ZNF563: variants seen among roughly 807,000 people sequenced by gnomAD.
ZNF563 encodes zinc finger protein 563.
ZNF563 carries 39 observed loss-of-function variants against 48.5 expected under a neutral mutation model. The ratio of observed to expected loss-of-function variants is 0.80; its 90% CI spans 0.62 to 1.05. The LOEUF (loss-of-function observed/expected upper bound fraction) is 1.05. ZNF563 is among the 50% of genes least tolerant of loss of function. The probability of loss-of-function intolerance (pLI) is 0.00; values close to 1 mark genes in which losing one functional copy is unlikely to be tolerated. For synonymous variants in ZNF563, 168 were observed against 187.9 expected (o/e 0.89, Z 0.87); for missense variants, 538 against 597.0 (o/e 0.90, Z 1.03).
chr19:12,342,176 C>G, the ZNF563 span, among the ~76,000 whole-genome samples: 2 of 151,868 alleles, frequency 1.3e-5, no homozygotes, highest in African/African-American at 2.4e-5. Context: ...TGCCATCACA[C>G]CTGGCTAATT....
At chr19:12,345,763 T>C in the ZNF563 span, among the ~76,000 whole-genome samples, 1 of 151,774 alleles carries the variant, frequency 6.6e-6, no homozygotes, top group Non-Finnish European at 1.5e-5. Context: ...AATACAAAAT[T>C]TAGACAGGCG....
chr19:12,318,575 G>C lies in ZNF563; in HGVS notation c.*19C>G. 6.3e-7 allele frequency: 1 copy of C among 1,598,588 alleles called. No homozygotes were observed. Among genetic ancestry groups the C allele is most frequent in the Non-Finnish European group, 8.5e-7 (1 of 1,172,096 alleles). On this transcript the variant is annotated 3_prime_UTR_variant, in exon 4 of 4. Coordinates refer to ENST00000293725, the MANE Select transcript of ZNF563 (RefSeq NM_145276.3). ...TCAAAGGGAACTGGAAATATAGAAG[G>C]CTTTATAATAGTTTACATTCATATT...
At chr19:12,340,056 C>T in the ZNF563 span, among the ~76,000 whole-genome samples, 2 of 152,130 alleles carry the variant, frequency 1.3e-5, no homozygotes, top group African/African-American at 2.4e-5. Context: ...TAAATGTGGC[C>T]AGGTGCGGTG....
chr19:12,325,984 T>C (rs1272240454), intron 1 of ZNF563, among the ~76,000 whole-genome samples: 1 of 152,034 alleles, frequency 6.6e-6, no homozygotes, highest in Admixed American at 6.6e-5. Flanking sequence ...CAGCAAACAA[T>C]GAAGGGGACA....
At chr19:12,326,520 T>C (rs1351128970) in intron 1 of ZNF563, among the ~76,000 whole-genome samples, 1 of 152,030 alleles carries the variant, frequency 6.6e-6, no homozygotes, top group Non-Finnish European at 1.5e-5. Flanking sequence ...GGTGCATGCC[T>C]GTAATCCCAG....
rs978140373 is a variant in ZNF563 at position 12,327,143 on chromosome 19, T to G, written c.4-4432A>C. On this transcript the variant is annotated intron_variant, in intron 1 of 3. Coordinates refer to ENST00000293725, the MANE Select transcript of ZNF563 (RefSeq NM_145276.3). ...ATAGGATAAGAAAATCATATTCTGC[T>G]CAACTAAAATCAAAGACGGAAATAG... is the stretch of plus-strand genomic sequence containing the variant. Among the ~76,000 whole-genome samples the G allele has an allele frequency of 5.9e-5, 9 of 152,092 alleles. No individual in the cohort carries two copies. The Middle Eastern group carries it at 0.01, about 172-fold the overall frequency.
intron 1 of ZNF563, among the ~76,000 whole-genome samples, chr19:12,330,281 C>CA (rs1968890780): frequency 6.6e-6 from 1 of 152,094 alleles, no homozygotes; most frequent in Non-Finnish European, 1.5e-5. Flanking sequence ...CAAAAATAGA[C>CA]AGACATTACA....
upstream of ZNF563, among the ~76,000 whole-genome samples, chr19:12,337,291 C>A (rs1351904211): frequency 5.3e-5 from 8 of 152,262 alleles, no homozygotes; most frequent in African/African-American, 1.9e-4. Context: ...CAGCCTCAAC[C>A]TCCTGGGCTC....
intron 3 of ZNF563, 82 bp downstream of exon 3, chr19:12,321,190 T>C: frequency 2.0e-6 from 2 of 995,342 alleles, no homozygotes; most frequent in East Asian, 2.7e-5. Flanking sequence ...GCTGGACTTG[T>C]TCATTTTCTT....
chr19:12,343,730 T>C, the ZNF563 span, among the ~76,000 whole-genome samples: 4 of 142,266 alleles, frequency 2.8e-5, no homozygotes, highest in Non-Finnish European at 4.6e-5. Context: ...AAATTCTTTT[T>C]TTTTTTTTTT....
At chr19:12,329,165 TCA>T (rs1410837180) in intron 1 of ZNF563, among the ~76,000 whole-genome samples, 8 of 151,972 alleles carry the variant, frequency 5.3e-5, no homozygotes, top group Non-Finnish European at 2.9e-5. Flanking sequence ...GAAATAGCAA[TCA>T]AGAAATCAAT....
chr19:12,319,723 TC>T lies in ZNF563; in HGVS notation c.301del (p.Asp101IlefsTer12). Reference sequence around the variant, plus strand: ...TTCACACTCAGCGCTTTGACATGGATCTTCTCCAGGACAAATGCTGTTGTTC... The same window carrying T: ...TTCACACTCAGCGCTTTGACATGGATTTCTCCAGGACAAATGCTGTTGTTC... ...IVNNSICPGE[D>X]PCQSAECEEV... On this transcript the variant is annotated frameshift_variant, in exon 4 of 4. Transcript: ENST00000293725. LOFTEE classifies it high-confidence loss of function. The T allele has an allele frequency of 6.2e-7, 1 of 1,614,190 alleles. No homozygotes were observed.
At chr19:12,343,725 CTTT>C in the ZNF563 span, among the ~76,000 whole-genome samples, 75 of 110,840 alleles carry the variant, frequency 6.8e-4, no homozygotes, top group African/African-American at 2.6e-3. Context: ...AGCATAAATT[CTTT>C]TTTTTTTTTT....
At chr19:12,333,639 T>G (rs1394508343), upstream of ZNF563, 3 of 1,136,424 alleles carry the variant, frequency 2.6e-6, no homozygotes, top group African/African-American at 4.7e-5. Flanking sequence ...CGACTGAGTC[T>G]AGAGCTGAGC....
In ZNF563 at chr19:12,319,845, G is replaced by T; in HGVS notation, c.192-12C>A. The T allele has an allele frequency of 6.2e-7, 1 of 1,603,234 alleles. No individual in the cohort carries two copies. Among genetic ancestry groups the T allele is most frequent in the South Asian group, 1.1e-5 (1 of 90,064 alleles). ...CTACCATATGACATCTGTAAAAAAT[G>T]AGTAGTACGTTACTAAATAGTTGTT... On this transcript the variant is annotated splice_polypyrimidine_tract_variant and intron_variant, in intron 3 of 3. Transcript: ENST00000293725.
At chr19:12,327,855 A>G (rs1180507963) in intron 1 of ZNF563, among the ~76,000 whole-genome samples, 2 of 152,256 alleles carry the variant, frequency 1.3e-5, no homozygotes, top group African/African-American at 2.4e-5. Flanking sequence ...ACAAGAAGAC[A>G]TAATAATCCT....
the ZNF563 span, among the ~76,000 whole-genome samples, chr19:12,339,726 A>AAG: frequency 2.6e-5 from 4 of 151,916 alleles, no homozygotes; most frequent in Admixed American, 2.6e-4. Flanking sequence ...TCAGAAGGAG[A>AAG]AGAGAGAGAG....
At position 12,322,606 on chromosome 19, in the gene ZNF563, T is replaced by C; in HGVS notation, c.109A>G (p.Ile37Val). The C allele has an allele frequency of 6.2e-7, 1 of 1,604,878 alleles. No homozygotes were observed. Among genetic ancestry groups the C allele is most frequent in the East Asian group, 2.2e-5 (1 of 44,474 alleles). ...NLYRYVMQET[I>V]RNLDCIRMIW... ...TTACTTATACAGTCCAGGTTCCTGA[T>C]GGTTTCTTGCATCACATATCTGTAT... The change falls in exon 2 of 4, where the codon ATC (isoleucine) becomes GTC (valine). Residue 37 changes from isoleucine to valine, a missense_variant. Coordinates refer to ENST00000293725, the MANE Select transcript of ZNF563 (RefSeq NM_145276.3).
intron 1 of ZNF563, among the ~76,000 whole-genome samples, chr19:12,325,339 G>A (rs771581405): frequency 7.6e-4 from 115 of 152,168 alleles, no homozygotes; most frequent in Non-Finnish European, 8.7e-4. Context: ...AATTAGCCAC[G>A]CTTGGTGGCG....
Sources: allele counts gnomAD v4.1 joint callset (sites outside exome capture counted in the v4.1 genomes callset), GRCh38; gene constraint gnomAD v4.1.1; transcripts MANE v1.5; gene names NCBI Gene and HGNC (gene_info 2026-07-23, HGNC 2026-07-21).